Variants in RBFOX1 observed in about 807,000 individuals in gnomAD.
The protein encoded by RBFOX1 is RNA binding fox-1 homolog 1.
RBFOX1 carries 8 observed loss-of-function variants against 57.7 expected under a neutral mutation model. The ratio of observed to expected loss-of-function variants is 0.14; its 90% CI spans 0.08 to 0.25. The LOEUF is 0.25. RBFOX1 is among the 10% of genes least tolerant of loss of function. RBFOX1 has a pLI of 1.00. For missense variants in RBFOX1, 611 were observed against 548.5 expected (o/e 1.11, Z -1.14); for synonymous variants, 326 against 222.4 (o/e 1.47, Z -4.15).
chr16:7,415,865 C>T (rs977652222), intron 4 of RBFOX1, among the ~76,000 whole-genome samples: 1 of 152,162 alleles, frequency 6.6e-6, no homozygotes, highest in Non-Finnish European at 1.5e-5. Flanking sequence ...GAAGATGGAA[C>T]TGTCCTTTTT....
chr16:7,390,641 G>C (rs1374881767), intron 4 of RBFOX1, among the ~76,000 whole-genome samples: 1 of 152,172 alleles, frequency 6.6e-6, no homozygotes, highest in Non-Finnish European at 1.5e-5. Context: ...GATTGTGTGA[G>C]GGATGGTGAA....
chr16:7,318,966 C>T (rs570321206), intron 4 of RBFOX1, among the ~76,000 whole-genome samples: 22 of 152,218 alleles, frequency 1.4e-4, no homozygotes, highest in Admixed American at 3.3e-4. Context: ...ATGTTAGGTC[C>T]CAGTGGGAGT....
intron 1 of RBFOX1, among the ~76,000 whole-genome samples, chr16:6,283,931 A>G (rs189432133): frequency 6.6e-6 from 1 of 152,358 alleles, no homozygotes; most frequent in Admixed American, 6.5e-5. Context: ...GGAGGGAACA[A>G]GAAAAGGAAG....
chr16:7,049,478 A>G (rs2049200482), intron 3 of RBFOX1, among the ~76,000 whole-genome samples: 1 of 151,950 alleles, frequency 6.6e-6, no homozygotes, highest in South Asian at 2.1e-4. Context: ...AAAAAAAAGA[A>G]CAATGGGGAT....
chr16:6,449,070 G>T (rs1473389547), intron 2 of RBFOX1, among the ~76,000 whole-genome samples: 1 of 152,150 alleles, frequency 6.6e-6, no homozygotes, highest in Non-Finnish European at 1.5e-5. Flanking sequence ...GCCATTGTAA[G>T]TATATGTACA....
At chr16:7,661,974 T>C (rs2067874366) in intron 12 of RBFOX1, among the ~76,000 whole-genome samples, 1 of 152,084 alleles carries the variant, frequency 6.6e-6, no homozygotes, top group African/African-American at 2.4e-5. Flanking sequence ...TTGGTACAAA[T>C]AGGCTTGACA....
At chr16:6,339,313 C>T (rs779913747) in intron 2 of RBFOX1, among the ~76,000 whole-genome samples, 108 of 152,146 alleles carry the variant, frequency 7.1e-4, no homozygotes, top group Non-Finnish European at 1.4e-3. Context: ...TGAAGAAGTG[C>T]TGTGATTTTA....
chr16:6,960,671 G>C (rs927723973), intron 3 of RBFOX1, among the ~76,000 whole-genome samples: 4 of 151,892 alleles, frequency 2.6e-5, no homozygotes, highest in South Asian at 2.1e-4. Context: ...ACATACTCTT[G>C]CAGGACCAGC....
intron 1 of RBFOX1, among the ~76,000 whole-genome samples, chr16:5,389,484 A>T (rs1205252955): frequency 6.6e-6 from 1 of 152,084 alleles, no homozygotes; most frequent in African/African-American, 2.4e-5. Flanking sequence ...GTCTCCAGAC[A>T]TCGCCAAATG....
At chr16:5,601,687 C>T (rs953993963), downstream of RBFOX1, 17 of 152,198 alleles carry the variant, frequency 1.1e-4, no homozygotes, top group Admixed American at 4.6e-4. Flanking sequence ...AACAAAGATA[C>T]TAAACACATT....
chr16:6,676,696 A>G (rs1168869507), intron 3 of RBFOX1, among the ~76,000 whole-genome samples: 1 of 106,580 alleles, frequency 9.4e-6, no homozygotes, highest in South Asian at 2.8e-4. Flanking sequence ...TTTTTTTGAG[A>G]CAAAGTCTCA....
intron 2 of RBFOX1, chr16:6,483,789 G>C (rs1260834845): frequency 2.2e-6 from 3 of 1,389,112 alleles, no homozygotes; most frequent in Non-Finnish European, 2.8e-6. Context: ...GCGCAGACAC[G>C]GTGGCGGCGT....
intron 4 of RBFOX1, among the ~76,000 whole-genome samples, chr16:7,250,433 C>G (rs1266525274): frequency 6.6e-6 from 1 of 152,154 alleles, no homozygotes; most frequent in East Asian, 1.9e-4. Flanking sequence ...TAAGTGAAAT[C>G]CTTCCTAAGT....
chr16:7,286,893 T>C (rs2141371276), intron 4 of RBFOX1, among the ~76,000 whole-genome samples: 1 of 152,048 alleles, frequency 6.6e-6, no homozygotes, highest in East Asian at 1.9e-4. Flanking sequence ...CCTCCCAGAG[T>C]GCTGGGATTA....
chr16:6,428,285 C>CAAAAAAAAAAAAAAAAAAAAAAAAAAAA (rs755273285), intron 2 of RBFOX1, among the ~76,000 whole-genome samples: 1 of 51,228 alleles, frequency 2.0e-5, no homozygotes, highest in Non-Finnish European at 4.0e-5. Context: ...GACCTTGTCT[C>CAAAAAAAAAAAAAAAAAAAAAAAAAAAA]AAAAAAAAAA....
At chr16:6,277,474 A>G (rs1017080224) in intron 1 of RBFOX1, among the ~76,000 whole-genome samples, 3 of 150,964 alleles carry the variant, frequency 2.0e-5, no homozygotes, top group Non-Finnish European at 2.9e-5. Context: ...AAAAAAAAAA[A>G]AAAACCTCAA....
chr16:6,507,204 C>G (rs927376515), intron 2 of RBFOX1, among the ~76,000 whole-genome samples: 5 of 152,144 alleles, frequency 3.3e-5, no homozygotes, highest in Non-Finnish European at 7.4e-5. Flanking sequence ...CTAGTTTTAC[C>G]TTCCTCCAAT....
intron 1 of RBFOX1, among the ~76,000 whole-genome samples, chr16:6,207,618 G>C (rs2152841638): frequency 6.6e-6 from 1 of 152,250 alleles, no homozygotes; most frequent in Non-Finnish European, 1.5e-5. Flanking sequence ...TTAATTATTT[G>C]CCTATTGAAT....
intron 1 of RBFOX1, among the ~76,000 whole-genome samples, chr16:6,259,022 C>G (rs1006144960): frequency 6.6e-6 from 1 of 152,164 alleles, no homozygotes; most frequent in Non-Finnish European, 1.5e-5. Flanking sequence ...CTTTCTTATG[C>G]TCACTTTCTA....
Sources: allele counts gnomAD v4.1 joint callset (sites outside exome capture counted in the v4.1 genomes callset), GRCh38; gene constraint gnomAD v4.1.1; transcripts MANE v1.5; gene names NCBI Gene and HGNC (gene_info 2026-07-23, HGNC 2026-07-21).